Variants in ATXN10 observed in about 807,000 individuals in gnomAD.
ATXN10 encodes ataxin-10.
In ATXN10, 28 loss-of-function variants were observed where a neutral mutation model predicts 52.9. The ratio of observed to expected loss-of-function variants is 0.53; its 90% CI spans 0.39 to 0.73. ATXN10 has a LOEUF of 0.73. Ranked by LOEUF, ATXN10 falls within the 30% of genes least tolerant of loss-of-function variation. The probability of loss-of-function intolerance (pLI) is 0.00; values close to 1 mark genes in which losing one functional copy is unlikely to be tolerated. For synonymous variants in ATXN10, 226 were observed against 221.5 expected (o/e 1.02, Z -0.18); for missense variants, 565 against 577.0 (o/e 0.98, Z 0.21).
intron 1 of ATXN10, chr22:45,689,423 T>TA: frequency 4.6e-6 from 2 of 436,002 alleles, no homozygotes; most frequent in Non-Finnish European, 8.5e-6. Flanking sequence ...GCAAGTTACT[T>TA]ACCATCTCTA....
chr22:45,726,653 G>A (rs1924882470), intron 6 of ATXN10, among the ~76,000 whole-genome samples: 1 of 152,028 alleles, frequency 6.6e-6, no homozygotes, highest in African/African-American at 2.4e-5. Context: ...GTTCTGCTCT[G>A]ATCTTTGTTA....
In ATXN10 at chr22:45,677,288, A is replaced by G. The variant is rs1452342410; in HGVS notation, c.116+5109A>G. The G allele has an allele frequency of 6.6e-6, 1 of 152,182 alleles. No homozygotes were observed. The highest frequency in any genetic ancestry group is 1.5e-5 in the Non-Finnish European group (1 of 68,038). The allele number at this position is 152,182 out of a possible 1,614,324, so 9.4% of individuals were successfully genotyped here. ...ACTGTATGCCTGGCATCTAGCATAG[A>G]GTTGATAGTGGCAGATGCTTATCAG... On this transcript the variant is annotated intron_variant, in intron 1 of 11. Coordinates refer to ENST00000252934, the MANE Select transcript of ATXN10 (RefSeq NM_013236.4). This position sits in a 1 kb window ranked among gnomAD's most constrained non-coding sequence, Gnocchi z 4.1.
rs375378667 is a variant in ATXN10 at position 45,835,365 on chromosome 22, G to A, written c.1238-7626G>A. ...CAGCGCACTGGTGCCACAGCCCTTC[G>A]CTCGGGCCCACGGGGTGCAGTGGAG... is the stretch of plus-strand genomic sequence containing the variant. On this transcript the variant is annotated intron_variant, in intron 10 of 11. Transcript: ENST00000252934. This position sits in a 1 kb window ranked among gnomAD's most constrained non-coding sequence, Gnocchi z 5.0. 3.9e-5 allele frequency among the ~76,000 whole-genome samples: 6 copies of A among 152,168 alleles called. No individual in the cohort carries two copies. Among genetic ancestry groups the A allele is most frequent in the East Asian group, 1.9e-4 (1 of 5,194 alleles).
rs533956592 is a variant in ATXN10, at chr22:45,714,789, C to G, written c.648-3624C>G. On this transcript the variant is annotated intron_variant, in intron 5 of 11. Coordinates refer to ENST00000252934, the MANE Select transcript of ATXN10 (RefSeq NM_013236.4). ...TTTGATAATAGCTATAAAGGCCTTTCCTCTACCAAGGCTTTCTTCTAGTAT... is the reference window on the plus strand; with the variant it reads ...TTTGATAATAGCTATAAAGGCCTTTGCTCTACCAAGGCTTTCTTCTAGTAT... 3.9e-5 allele frequency among the ~76,000 whole-genome samples: 6 copies of G among 152,220 alleles called. No homozygotes were observed. In the East Asian group the frequency reaches 1.2e-3, roughly 29 times the overall value.
At position 45,681,919 on chromosome 22, in the gene ATXN10, C is replaced by G. The variant is rs1266030743; in HGVS notation, c.117-7793C>G. ...CCAGGAACTCTCATCACCCTCTCTGCCCACCTACTTGTATCTGTGCCCGTA... is the reference window on the plus strand; with the variant it reads ...CCAGGAACTCTCATCACCCTCTCTGGCCACCTACTTGTATCTGTGCCCGTA... On this transcript the variant is annotated intron_variant, in intron 1 of 11. Transcript: ENST00000252934. The surrounding 1 kb of genome is among the most constrained non-coding windows in gnomAD (Gnocchi z 4.2). Among the ~76,000 whole-genome samples the G allele has an allele frequency of 6.6e-6, 1 of 152,160 alleles. No individual in the cohort carries two copies. Among genetic ancestry groups the G allele is most frequent in the African/African-American group, 2.4e-5 (1 of 41,444 alleles).
In ATXN10 at chr22:45,688,364, A is replaced by C. The variant is rs376042141; in HGVS notation, c.117-1348A>C. 5.3e-5 allele frequency among the ~76,000 whole-genome samples: 8 copies of C among 152,166 alleles called. No homozygotes were observed. The East Asian group carries it at 5.8e-4, about 11-fold the overall frequency. On this transcript the variant is annotated intron_variant, in intron 1 of 11. Transcript: ENST00000252934. This position sits in a 1 kb window ranked among gnomAD's most constrained non-coding sequence, Gnocchi z 4.0. The stretch of plus-strand genomic sequence containing the variant: ...AGATACCTTAAAAAATAAATACGAG[A>C]AAAAGATAAGGGGGGAAATTAGGGG...
chr22:45,777,195 A>G (rs1926989215), intron 9 of ATXN10, among the ~76,000 whole-genome samples: 2 of 152,190 alleles, frequency 1.3e-5, no homozygotes, highest in South Asian at 4.1e-4. Flanking sequence ...ATACTTTGTT[A>G]CACACTGAAT....
At chr22:45,738,162 A>G (rs532735011) in intron 7 of ATXN10, among the ~76,000 whole-genome samples, 1 of 152,306 alleles carries the variant, frequency 6.6e-6, no homozygotes, top group South Asian at 2.1e-4. Flanking sequence ...TTTAGTAGCT[A>G]TGTGAAGTAG....
chr22:45,838,377 G>A (rs1355579723), intron 10 of ATXN10, among the ~76,000 whole-genome samples: 2 of 152,170 alleles, frequency 1.3e-5, no homozygotes, highest in Non-Finnish European at 1.5e-5. Context: ...AGAGCCCCCT[G>A]CTGAAGAGCT....
At position 45,738,711 on chromosome 22, in the gene ATXN10, A is replaced by ATGTTT. The variant is rs1569043478; in HGVS notation, c.895-18_895-14dup. 1 of 1,586,770 alleles carries ATGTTT rather than the reference A, an allele frequency of 6.3e-7. No homozygotes were observed. Among genetic ancestry groups the ATGTTT allele is most frequent in the Non-Finnish European group, 8.7e-7 (1 of 1,155,824 alleles). On this transcript the variant is annotated intron_variant, in intron 7 of 11. Transcript: ENST00000252934. The stretch of plus-strand genomic sequence containing the variant: ...TTCTCTTAAAATATGCTAAAAAGTT[A>ATGTTT]TGTTTTCTTTTCTTTCTAGGAGGCA...
At position 45,823,592 on chromosome 22, in the gene ATXN10, A is replaced by T. The variant is rs1928723834; in HGVS notation, c.1237+16570A>T. Among the ~76,000 whole-genome samples, 1 of 151,842 alleles carries T rather than the reference A, an allele frequency of 6.6e-6. No homozygotes were observed. On this transcript the variant is annotated intron_variant, in intron 10 of 11. Transcript: ENST00000252934. The surrounding 1 kb of genome is among the most constrained non-coding windows in gnomAD (Gnocchi z 4.9). ...TTCTCTGTCCCTGGCCTGATACTAT[A>T]CTCTTGTAATCATCGTGACTTTATG...
rs1040629862 is a variant in ATXN10 at position 45,702,787 on chromosome 22, A to C, written c.587A>C (p.Asn196Thr). The part of the protein sequence containing the change: ...NHERMKELEE[N>T]LNIAIDVIDA... Reference sequence around the variant, plus strand: ...GAAAGAATGAAAGAACTGGAGGAGAACCTCAATATTGCAATTGATGTCATA... The same window carrying C: ...GAAAGAATGAAAGAACTGGAGGAGACCCTCAATATTGCAATTGATGTCATA... The change falls in exon 5 of 12, where the codon AAC (asparagine) becomes ACC (threonine). Residue 196 changes from asparagine to threonine, a missense_variant. Asn to Thr is a moderately conservative substitution (Grantham distance 65). Coordinates refer to ENST00000252934, the MANE Select transcript of ATXN10 (RefSeq NM_013236.4). 1 of 1,614,066 alleles carries C rather than the reference A, an allele frequency of 6.2e-7. No individual in the cohort carries two copies.
rs541972891 is a variant in ATXN10, at chr22:45,821,921, G to A, written c.1237+14899G>A. Reference sequence around the variant, plus strand: ...ACATCCACATACCAACACTCAGGTCGAGAGGCAAAAACACTGCCAGCCTTC... The same window carrying A: ...ACATCCACATACCAACACTCAGGTCAAGAGGCAAAAACACTGCCAGCCTTC... On this transcript the variant is annotated intron_variant, in intron 10 of 11. Coordinates refer to ENST00000252934, the MANE Select transcript of ATXN10 (RefSeq NM_013236.4). Among the ~76,000 whole-genome samples the A allele has an allele frequency of 5.9e-5, 9 of 152,278 alleles. No homozygotes were observed. The East Asian group carries it at 1.2e-3, about 20-fold the overall frequency.
chr22:45,802,438 C>T (rs764971446), intron 9 of ATXN10, among the ~76,000 whole-genome samples: 3 of 152,312 alleles, frequency 2.0e-5, no homozygotes, highest in Non-Finnish European at 4.4e-5. Flanking sequence ...AAAATTGTAT[C>T]GTCAGTCACC....
chr22:45,751,321 T>C, intron 9 of ATXN10, among the ~76,000 whole-genome samples: 1 of 152,210 alleles, frequency 6.6e-6, no homozygotes, highest in East Asian at 1.9e-4. Flanking sequence ...AATTATACTT[T>C]CAGTTGAAAG....
At chr22:45,697,059 C>T (rs1601593686) in intron 3 of ATXN10, among the ~76,000 whole-genome samples, 2 of 152,092 alleles carry the variant, frequency 1.3e-5, no homozygotes, top group East Asian at 3.8e-4. Flanking sequence ...ATATTGTTAA[C>T]TATTTTAAAG....
chr22:45,809,887 T>G (rs1928224913), intron 10 of ATXN10, among the ~76,000 whole-genome samples: 1 of 152,240 alleles, frequency 6.6e-6, no homozygotes, highest in Non-Finnish European at 1.5e-5. Flanking sequence ...GTCATTTTCT[T>G]TATAGTTTCT....
intron 9 of ATXN10, among the ~76,000 whole-genome samples, chr22:45,751,740 G>GAA (rs200364242): frequency 1.8e-4 from 8 of 45,462 alleles, no homozygotes; most frequent in East Asian, 1.2e-3. Context: ...CCTTTTTCTG[G>GAA]AAAAAAAAAA....
chr22:45,699,887 C>G (rs1923774022), intron 3 of ATXN10, among the ~76,000 whole-genome samples: 1 of 147,978 alleles, frequency 6.8e-6, no homozygotes, highest in African/African-American at 2.5e-5. Context: ...CACTCTGTCT[C>G]CCAGGCTGGA....
Sources: gnomAD v4.1 joint callset for allele counts (sites outside exome capture counted in the v4.1 genomes callset) on GRCh38, gnomAD v4.1.1 for gene constraint, Gnocchi (gnomAD v3.1) non-coding constraint, MANE v1.5 for transcripts, NCBI Gene and HGNC (gene_info 2026-07-23, HGNC 2026-07-21) for gene names.